Variants in CCL28 observed in about 807,000 individuals in gnomAD.
The protein encoded by CCL28 is C-C motif chemokine 28.
Under a neutral mutation model 7.1 loss-of-function variants are expected in CCL28, and 4 were observed. That is an observed-to-expected ratio of 0.56 (90% CI 0.28 to 1.29). The LOEUF (loss-of-function observed/expected upper bound fraction) is 1.29, where lower values mean the gene tolerates loss of function less well. Ranked by LOEUF, CCL28 falls within the 50% of genes most tolerant of loss-of-function variation. The pLI, the probability that CCL28 is intolerant of heterozygous loss-of-function variation, is 0.11. For synonymous variants in CCL28, 55 were observed against 57.8 expected (o/e 0.95, Z 0.22); for missense variants, 151 against 163.4 (o/e 0.92, Z 0.41).
the CCL28 span, among the ~76,000 whole-genome samples, chr5:43,371,399 G>T: frequency 6.6e-6 from 1 of 152,202 alleles, no homozygotes; most frequent in Non-Finnish European, 1.5e-5. Context: ...CACCCACATG[G>T]TATCAGATTT....
At chr5:43,372,767 ATTCT>A (rs1231511962), downstream of CCL28, among the ~76,000 whole-genome samples, 2 of 145,014 alleles carry the variant, frequency 1.4e-5, no homozygotes, top group African/African-American at 5.1e-5. Context: ...TGCTATGAAC[ATTCT>A]TTTTTTTTTT....
At chr5:43,385,526 C>T (rs555909080) in intron 2 of CCL28, among the ~76,000 whole-genome samples, 196 of 152,258 alleles carry the variant, frequency 1.3e-3, no homozygotes, top group African/African-American at 4.6e-3. Flanking sequence ...TAAGGGACTA[C>T]ATTTTAGATA....
intron 1 of CCL28, among the ~76,000 whole-genome samples, chr5:43,393,111 G>T (rs1053622180): frequency 1.3e-5 from 2 of 152,088 alleles, no homozygotes; most frequent in African/African-American, 4.8e-5. Context: ...AACTATAGTG[G>T]TAAATGAAAT....
intron 1 of CCL28, among the ~76,000 whole-genome samples, chr5:43,401,099 AAAAG>A (rs1172030091): frequency 1.3e-4 from 20 of 151,978 alleles, no homozygotes; most frequent in African/African-American, 3.6e-4. Context: ...AAAAAAAAGA[AAAAG>A]AAAAAAAAGG....
chr5:43,370,988 C>A, the CCL28 span, among the ~76,000 whole-genome samples: 2 of 152,180 alleles, frequency 1.3e-5, no homozygotes, highest in Non-Finnish European at 2.9e-5. Flanking sequence ...GTGATCCACC[C>A]CCTTTGGCCT....
At chr5:43,410,310 G>T (rs1191112544) in intron 1 of CCL28, among the ~76,000 whole-genome samples, 1 of 152,208 alleles carries the variant, frequency 6.6e-6, no homozygotes, top group Non-Finnish European at 1.5e-5. Flanking sequence ...AATAGCTGTG[G>T]CGTTGCCCCT....
the CCL28 span, among the ~76,000 whole-genome samples, chr5:43,361,189 T>C: frequency 6.6e-6 from 1 of 152,350 alleles, no homozygotes; most frequent in Admixed American, 6.5e-5. Context: ...TCATGGTGTA[T>C]ATGTACCACA....
chr5:43,369,012 G>A, the CCL28 span, among the ~76,000 whole-genome samples: 2 of 141,306 alleles, frequency 1.4e-5, no homozygotes, highest in South Asian at 4.7e-4. Flanking sequence ...TGGGGTGGGG[G>A]GCAGGGGGAG....
chr5:43,359,487 C>T, the CCL28 span, among the ~76,000 whole-genome samples: 5 of 152,176 alleles, frequency 3.3e-5, no homozygotes, highest in African/African-American at 7.2e-5. Flanking sequence ...TGCCCTGGGT[C>T]GGGCAGGTGT....
downstream of CCL28, among the ~76,000 whole-genome samples, chr5:43,372,232 A>G (rs147513002): frequency 3.9e-5 from 6 of 152,298 alleles, no homozygotes; most frequent in East Asian, 1.2e-3. Context: ...AATAACTAAT[A>G]CTGGCTCATT....
intron 1 of CCL28, among the ~76,000 whole-genome samples, chr5:43,393,000 A>G (rs777729948): frequency 5.3e-5 from 8 of 152,108 alleles, no homozygotes; most frequent in African/African-American, 1.4e-4. Flanking sequence ...CATAATAATA[A>G]TTTTGTTTTA....
At chr5:43,373,388 C>T (rs573423364), downstream of CCL28, among the ~76,000 whole-genome samples, 69 of 152,070 alleles carry the variant, frequency 4.5e-4, no homozygotes, top group African/African-American at 1.0e-3. Flanking sequence ...GCAACCTCCG[C>T]CTCCCTGGTT....
the CCL28 span, among the ~76,000 whole-genome samples, chr5:43,363,306 A>G: frequency 1.3e-5 from 2 of 152,190 alleles, no homozygotes; most frequent in Admixed American, 6.5e-5. Context: ...CACATACAAG[A>G]TAGTGGGCTA....
chr5:43,408,488 G>A (rs1469038033), intron 1 of CCL28, among the ~76,000 whole-genome samples: 4 of 152,198 alleles, frequency 2.6e-5, no homozygotes, highest in African/African-American at 9.7e-5. Context: ...AGGGCCTGTC[G>A]TAAGGTGGGG....
At chr5:43,406,283 A>C (rs1741275361) in intron 1 of CCL28, among the ~76,000 whole-genome samples, 1 of 152,138 alleles carries the variant, frequency 6.6e-6, no homozygotes, top group Non-Finnish European at 1.5e-5. Flanking sequence ...GCAGTACATC[A>C]AAAAGCTTAT....
chr5:43,375,217 C>T (rs1028821609), downstream of CCL28, among the ~76,000 whole-genome samples: 1 of 151,690 alleles, frequency 6.6e-6, no homozygotes, highest in African/African-American at 2.4e-5. Context: ...TCTCAAACTC[C>T]TGACCTCGTG....
the CCL28 span, among the ~76,000 whole-genome samples, chr5:43,357,327 A>T: frequency 6.6e-6 from 1 of 152,204 alleles, no homozygotes; most frequent in Non-Finnish European, 1.5e-5. Context: ...GTCACTTGGC[A>T]AAGGGTGTGC....
chr5:43,389,919 C>T (rs748325735), intron 1 of CCL28, among the ~76,000 whole-genome samples: 18 of 152,172 alleles, frequency 1.2e-4, no homozygotes, highest in Non-Finnish European at 2.5e-4. Flanking sequence ...CCGAATAGGG[C>T]AACTGTAAAA....
downstream of CCL28, among the ~76,000 whole-genome samples, chr5:43,375,965 G>A (rs955688795): frequency 5.9e-5 from 9 of 152,180 alleles, no homozygotes; most frequent in African/African-American, 1.9e-4. Context: ...AGCCTGGGAA[G>A]CAGAGGTTGT....
Sources: gnomAD v4.1 joint callset for allele counts (sites outside exome capture counted in the v4.1 genomes callset) on GRCh38, gnomAD v4.1.1 for gene constraint, MANE v1.5 for transcripts, NCBI Gene and HGNC (gene_info 2026-07-23, HGNC 2026-07-21) for gene names.